The following ARFGEF3 variants were observed in gnomAD, a reference collection of about 807,000 sequenced individuals.
The protein encoded by ARFGEF3 is brefeldin A-inhibited guanine nucleotide-exchange protein 3.
ARFGEF3 carries 96 observed loss-of-function variants against 221.7 expected under a neutral mutation model. The ratio of observed to expected loss-of-function variants is 0.43; its 90% CI spans 0.37 to 0.51. The LOEUF (loss-of-function observed/expected upper bound fraction) is 0.51. ARFGEF3 is among the 20% of genes least tolerant of loss of function. ARFGEF3 has a pLI of 0.00. For synonymous variants in ARFGEF3, 1,145 were observed against 1,126.8 expected (o/e 1.02, Z -0.32); for missense variants, 2,410 against 2,789.9 (o/e 0.86, Z 3.07).
intron 2 of ARFGEF3, among the ~76,000 whole-genome samples, chr6:138,182,184 G>A (rs963511256): frequency 6.6e-6 from 1 of 152,224 alleles, no homozygotes; most frequent in African/African-American, 2.4e-5. Flanking sequence ...GTCCAGGGCA[G>A]AGCCAGGGCT....
intron 27 of ARFGEF3, among the ~76,000 whole-genome samples, chr6:138,319,473 G>T (rs1181449437): frequency 6.6e-6 from 1 of 151,916 alleles, no homozygotes; most frequent in Non-Finnish European, 1.5e-5. Context: ...AGCAATATTT[G>T]AATGTTTTAG....
At chr6:138,296,376 T>C (rs190550605) in intron 20 of ARFGEF3, among the ~76,000 whole-genome samples, 2 of 152,304 alleles carry the variant, frequency 1.3e-5, no homozygotes, top group East Asian at 3.9e-4. Flanking sequence ...ATGCGTATTA[T>C]CACGTTTAAT....
Position 138,207,134 on chromosome 6 carries a change from G to C in ARFGEF3, c.219+11G>C. On this transcript the variant is annotated intron_variant, in intron 3 of 33. Transcript: ENST00000251691. ...TTGGCAGGGATGCAGGTATGGCTTT[G>C]ACTGAATGCAATGGGATGATAGAAA... The C allele has an allele frequency of 1.2e-6, 2 of 1,604,284 alleles. No individual in the cohort carries two copies. The highest frequency in any genetic ancestry group is 1.7e-4 in the Middle Eastern group (1 of 6,048).
chr6:138,268,856 C>T (rs183217557), intron 12 of ARFGEF3, among the ~76,000 whole-genome samples: 3 of 152,304 alleles, frequency 2.0e-5, no homozygotes, highest in Non-Finnish European at 4.4e-5. Flanking sequence ...TACCAGATTT[C>T]CTAAAAGATA....
At chr6:138,185,652 G>A (rs1411788896) in intron 2 of ARFGEF3, among the ~76,000 whole-genome samples, 1 of 152,164 alleles carries the variant, frequency 6.6e-6, no homozygotes, top group Non-Finnish European at 1.5e-5. Context: ...AGACATCTGT[G>A]GTGTTTACAA....
chr6:138,231,452 G>A (rs201463013), intron 5 of ARFGEF3, among the ~76,000 whole-genome samples: 2 of 152,084 alleles, frequency 1.3e-5, no homozygotes, highest in African/African-American at 4.8e-5. Flanking sequence ...GTGTTGCCTC[G>A]GATACCTGTC....
At chr6:138,328,678 C>T (rs1780168702) in intron 32 of ARFGEF3, among the ~76,000 whole-genome samples, 1 of 151,720 alleles carries the variant, frequency 6.6e-6, no homozygotes, top group Admixed American at 6.6e-5. Flanking sequence ...GGGAACACAG[C>T]CCAACCCATG....
intron 22 of ARFGEF3, 83 bp from the exon 23 acceptor site, chr6:138,307,170 A>G (rs752943448): frequency 3.6e-6 from 5 of 1,397,584 alleles, no homozygotes; most frequent in East Asian, 2.3e-5. Flanking sequence ...AAAATAGGGG[A>G]CAGAGAAATA....
chr6:138,321,642 A>G (rs932758285), intron 29 of ARFGEF3, among the ~76,000 whole-genome samples: 2 of 152,232 alleles, frequency 1.3e-5, no homozygotes, highest in African/African-American at 4.8e-5. Context: ...TGGGAATGTA[A>G]ATTAGTACAA....
intron 8 of ARFGEF3, 57 bp downstream of exon 8, chr6:138,245,648 C>A: frequency 7.9e-7 from 1 of 1,267,806 alleles, no homozygotes; most frequent in Non-Finnish European, 1.1e-6. Flanking sequence ...CTGAAATAAC[C>A]TTTGTCTGCA....
intron 32 of ARFGEF3, 121 bp from the exon 33 acceptor site, chr6:138,333,849 A>G: frequency 9.3e-7 from 1 of 1,073,766 alleles, no homozygotes; most frequent in Non-Finnish European, 1.3e-6. Context: ...ACATTTGAGT[A>G]GAGGTAGTTT....
chr6:138,311,472 T>C lies in ARFGEF3; in HGVS notation c.4162T>C (p.Cys1388Arg). 6.2e-7 allele frequency: 1 copy of C among 1,606,366 alleles called. No individual in the cohort carries two copies. The highest frequency in any genetic ancestry group is 8.5e-7 in the Non-Finnish European group (1 of 1,176,802). ...ACCCGGAGCCCCGTCCACAGACCTG[T>C]GCCTCCCGGCCCTGGATTACCTCAG... The part of the protein sequence containing the change: ...PAPGAPSTDL[C>R]LPALDYLRRC... The change falls in exon 25 of 34, where the codon TGC becomes CGC. Residue 1388 changes from cysteine (C) to arginine (R), a missense_variant. Physicochemically the swap from Cys to Arg is radical, Grantham distance 180 (BLOSUM62 -3). Transcript: ENST00000251691.
At chr6:138,242,277 ACT>A (rs1287582675) in intron 6 of ARFGEF3, among the ~76,000 whole-genome samples, 3 of 152,226 alleles carry the variant, frequency 2.0e-5, no homozygotes, top group African/African-American at 7.2e-5. Flanking sequence ...CTCAGTAGTC[ACT>A]GAGTTATCCC....
rs991588270 is a variant in ARFGEF3 at position 138,339,621 on chromosome 6, G to A, written c.*3135G>A. 6.6e-6 allele frequency: 1 copy of A among 152,150 alleles called. No homozygotes were observed. Among genetic ancestry groups the A allele is most frequent in the Non-Finnish European group, 1.5e-5 (1 of 68,040 alleles). 9.4% of individuals were successfully genotyped at this position (152,150 alleles called of 1,614,324 possible). ...CATCTGGAAAACTCCAAGTATAAGA[G>A]ACCCTGGACTGATGATGGCCCAGCC... On this transcript the variant is annotated 3_prime_UTR_variant, in exon 34 of 34. Transcript: ENST00000251691.
At chr6:138,239,363 T>C (rs1016833915) in intron 6 of ARFGEF3, among the ~76,000 whole-genome samples, 2 of 152,144 alleles carry the variant, frequency 1.3e-5, no homozygotes, top group African/African-American at 4.8e-5. Flanking sequence ...AAATCTCAGT[T>C]ACAGCTGGAC....
At chr6:138,185,477 G>A (rs1178212832) in intron 2 of ARFGEF3, among the ~76,000 whole-genome samples, 4 of 152,294 alleles carry the variant, frequency 2.6e-5, no homozygotes, top group African/African-American at 7.2e-5. Flanking sequence ...GGATAGCCCC[G>A]GCATGTGCAG....
chr6:138,265,792 GTCTC>G (rs1001441684), intron 12 of ARFGEF3, among the ~76,000 whole-genome samples: 1 of 152,170 alleles, frequency 6.6e-6, no homozygotes, highest in East Asian at 1.9e-4. Context: ...TTGTACTTCG[GTCTC>G]TCTCTCTTTT....
At chr6:138,287,813 A>G (rs1779324736) in intron 17 of ARFGEF3, among the ~76,000 whole-genome samples, 1 of 152,202 alleles carries the variant, frequency 6.6e-6, no homozygotes, top group Non-Finnish European at 1.5e-5. Context: ...TGTAACTACT[A>G]TCAGATATGT....
chr6:138,204,374 T>G (rs1222769074), intron 2 of ARFGEF3, among the ~76,000 whole-genome samples: 1 of 150,924 alleles, frequency 6.6e-6, no homozygotes, highest in Non-Finnish European at 1.5e-5. Flanking sequence ...AGATTTGATT[T>G]GCCTATCCCA....
Sources: allele counts gnomAD v4.1 joint callset (sites outside exome capture counted in the v4.1 genomes callset), GRCh38; gene constraint gnomAD v4.1.1; transcripts MANE v1.5; gene names NCBI Gene and HGNC (gene_info 2026-07-23, HGNC 2026-07-21).